Variants in DPF3 observed in about 807,000 individuals in gnomAD.
The protein encoded by DPF3 is double PHD fingers 3.
Under a neutral mutation model 56.8 loss-of-function variants are expected in DPF3, and 18 were observed. The observed-to-expected ratio is 0.32, with a 90% confidence interval of 0.22 to 0.47. The LOEUF is 0.47. Among genes scored for constraint, DPF3 ranks in the 20% least tolerant of loss-of-function variants. The pLI, the probability that DPF3 is intolerant of heterozygous loss-of-function variation, is 1.00. For missense variants in DPF3, 403 were observed against 488.8 expected (o/e 0.82, Z 1.65); for synonymous variants, 188 against 180.2 (o/e 1.04, Z -0.35).
Position 72,753,304 on chromosome 14 carries a change from T to G in DPF3, c.261A>C (p.Pro87=). Residue 87 remains proline, a synonymous_variant, in exon 3 of 11, where the codon CCA becomes CCC. Coordinates refer to ENST00000556509, the MANE Select transcript of DPF3 (RefSeq NM_001280542.3). ...GCAGCCGCAGTTTTGGATCTTCAGG[T>G]GGGTGCAATCGTCTCTTCTTGCGCC... ...RCWRKKRRLH[P]PEDPKLRLLE... is the part of the protein sequence containing the mutation. 6.2e-7 allele frequency: 1 copy of G among 1,613,600 alleles called. No homozygotes were observed. Among genetic ancestry groups the G allele is most frequent in the East Asian group, 2.2e-5 (1 of 44,860 alleles).
chr14:72,821,261 G>C (rs776082985), intron 1 of DPF3, among the ~76,000 whole-genome samples: 2 of 152,104 alleles, frequency 1.3e-5, no homozygotes, highest in Non-Finnish European at 2.9e-5. Context: ...TCCAGCTTGG[G>C]CAACAGAGTA....
At chr14:72,734,501 A>G (rs1889806660) in intron 3 of DPF3, among the ~76,000 whole-genome samples, 1 of 152,248 alleles carries the variant, frequency 6.6e-6, no homozygotes, top group Admixed American at 6.5e-5. Flanking sequence ...CAGTCAAAAG[A>G]GAACAGCTGG....
chr14:72,633,781 G>C (rs1262933086), intron 8 of DPF3, among the ~76,000 whole-genome samples: 1 of 152,178 alleles, frequency 6.6e-6, no homozygotes, highest in Non-Finnish European at 1.5e-5. Context: ...CTGTCTCTGT[G>C]AGGAGGGGCC....
chr14:72,717,814 A>G (rs1888994934), intron 5 of DPF3, among the ~76,000 whole-genome samples: 1 of 152,182 alleles, frequency 6.6e-6, no homozygotes, highest in Non-Finnish European at 1.5e-5. Flanking sequence ...AAAGCTTTGA[A>G]GGTGACCAGC....
chr14:72,693,970 G>C (rs950802179), intron 6 of DPF3, among the ~76,000 whole-genome samples: 4 of 152,214 alleles, frequency 2.6e-5, no homozygotes, highest in Admixed American at 6.5e-5. Flanking sequence ...TGCCCCTGAT[G>C]CCCCAGGGCA....
chr14:72,683,074 C>T (rs1489359900), intron 7 of DPF3, among the ~76,000 whole-genome samples: 3 of 152,148 alleles, frequency 2.0e-5, no homozygotes, highest in Non-Finnish European at 2.9e-5. Flanking sequence ...TGCCTGTAAT[C>T]CCAGAATTTT....
chr14:72,676,732 C>T (rs1599348399), intron 7 of DPF3, among the ~76,000 whole-genome samples: 1 of 152,338 alleles, frequency 6.6e-6, no homozygotes, highest in Non-Finnish European at 1.5e-5. Flanking sequence ...GCCTTTGCTC[C>T]TCCTTTGCCT....
intron 6 of DPF3, among the ~76,000 whole-genome samples, chr14:72,699,233 G>C (rs754670917): frequency 6.6e-6 from 1 of 152,124 alleles, no homozygotes; most frequent in Non-Finnish European, 1.5e-5. Context: ...AATTTGTTTA[G>C]AAAGGGTTGA....
intron 1 of DPF3, among the ~76,000 whole-genome samples, chr14:72,842,230 C>T (rs941477712): frequency 6.6e-6 from 1 of 152,060 alleles, no homozygotes; most frequent in African/African-American, 2.4e-5. Flanking sequence ...GACCCAGTAA[C>T]TCCCCTGCAA....
chr14:72,836,014 AG>A, intron 1 of DPF3: 1 of 982,682 alleles, frequency 1.0e-6, no homozygotes. Flanking sequence ...CCCGAGGGCC[AG>A]CCGTCACCAC....
intron 8 of DPF3, among the ~76,000 whole-genome samples, chr14:72,672,060 G>GACACAC (rs369762823): frequency 7.5e-6 from 1 of 132,976 alleles, no homozygotes; most frequent in African/African-American, 3.1e-5. Context: ...CACACACACA[G>GACACAC]ACACACACAC....
intron 2 of DPF3, among the ~76,000 whole-genome samples, chr14:72,757,197 C>T (rs989800961): frequency 1.2e-4 from 18 of 152,072 alleles, no homozygotes; most frequent in African/African-American, 4.1e-4. Flanking sequence ...CATCTTTCCC[C>T]ATCCAGAGCT....
chr14:72,846,037 C>T (rs1884736906), intron 1 of DPF3, among the ~76,000 whole-genome samples: 1 of 151,880 alleles, frequency 6.6e-6, no homozygotes, highest in African/African-American at 2.4e-5. Context: ...CACTGCCCAC[C>T]ACCCCTTTAT....
At chr14:72,708,495 GGCAGTGA>G (rs1271566902) in intron 6 of DPF3, among the ~76,000 whole-genome samples, 1 of 152,194 alleles carries the variant, frequency 6.6e-6, no homozygotes, top group Non-Finnish European at 1.5e-5. Context: ...CCGCGACAAA[GGCAGTGA>G]GCCTGAAGGC....
intron 8 of DPF3, among the ~76,000 whole-genome samples, chr14:72,642,762 A>G (rs1223928076): frequency 6.6e-6 from 1 of 152,000 alleles, no homozygotes; most frequent in Non-Finnish European, 1.5e-5. Flanking sequence ...TCTCACCTCC[A>G]ACAAGCCTCC....
At chr14:72,715,248 G>A (rs1018415702) in intron 5 of DPF3, among the ~76,000 whole-genome samples, 1 of 152,180 alleles carries the variant, frequency 6.6e-6, no homozygotes, top group African/African-American at 2.4e-5. Context: ...AATCTCCCAG[G>A]GTGGCGGTGG....
chr14:72,705,059 G>A (rs1446368958), intron 6 of DPF3, among the ~76,000 whole-genome samples: 1 of 152,086 alleles, frequency 6.6e-6, no homozygotes, highest in Non-Finnish European at 1.5e-5. Flanking sequence ...CTAAGCCAGG[G>A]GTCCCCAACC....
intron 8 of DPF3, among the ~76,000 whole-genome samples, chr14:72,646,842 G>A (rs188607899): frequency 6.6e-6 from 1 of 152,354 alleles, no homozygotes; most frequent in Admixed American, 6.5e-5. Flanking sequence ...ATTACCGGGA[G>A]AGATGTTTTA....
chr14:72,773,389 C>A (rs1891622348), intron 1 of DPF3, among the ~76,000 whole-genome samples: 1 of 152,204 alleles, frequency 6.6e-6, no homozygotes, highest in Admixed American at 6.5e-5. Flanking sequence ...CCGCCTCAGC[C>A]TCCCAAAGTG....
Sources: gnomAD v4.1 joint callset for allele counts (sites outside exome capture counted in the v4.1 genomes callset) on GRCh38, gnomAD v4.1.1 for gene constraint, MANE v1.5 for transcripts, NCBI Gene and HGNC (gene_info 2026-07-23, HGNC 2026-07-21) for gene names.